Variants in PALD1 observed in about 807,000 individuals in gnomAD.
The protein encoded by PALD1 is paladin.
In PALD1, 57 loss-of-function variants were observed where a neutral mutation model predicts 96.0. The observed-to-expected ratio is 0.59, with a 90% CI of 0.48 to 0.74. The LOEUF (loss-of-function observed/expected upper bound fraction) is 0.74, where lower values mean the gene tolerates loss of function less well. Among genes scored for constraint, PALD1 ranks in the 30% least tolerant of loss-of-function variants. The pLI is 0.00. For missense variants in PALD1, 1,063 were observed against 1,143.7 expected, an observed-to-expected ratio of 0.93 and a Z score of 1.02; for synonymous variants, 464 against 473.6, an observed-to-expected ratio of 0.98 and a Z score of 0.26.
In PALD1 at chr10:70,531,198, C is replaced by T. The variant is rs543709288; in HGVS notation, c.469-92C>T. The T allele has an allele frequency of 1.8e-4, 188 of 1,065,698 alleles. 2 individuals carry two copies. The Middle Eastern group carries it at 2.1e-3, about 12-fold the overall frequency. 66.0% of individuals were successfully genotyped at this position (1,065,698 alleles called of 1,614,324 possible). On this transcript the variant is annotated intron_variant, in intron 4 of 19. Coordinates refer to ENST00000263563, the MANE Select transcript of PALD1 (RefSeq NM_014431.3). Reference sequence around the variant, plus strand: ...TGGTGTGGGGTGCAGGAGGAAGGAACAGCTTGGGCAGAGGCCCTGAGGTGG... The same window carrying T: ...TGGTGTGGGGTGCAGGAGGAAGGAATAGCTTGGGCAGAGGCCCTGAGGTGG...
intron 18 of PALD1, among the ~76,000 whole-genome samples, chr10:70,553,736 A>G (rs1847529777): frequency 6.6e-6 from 1 of 152,188 alleles, no homozygotes; most frequent in Non-Finnish European, 1.5e-5. Flanking sequence ...CCTCTCTGCC[A>G]TGCCACATGG....
At chr10:70,476,872 G>A (rs1382002636), upstream of PALD1, among the ~76,000 whole-genome samples, 1 of 144,766 alleles carries the variant, frequency 6.9e-6, no homozygotes, top group Non-Finnish European at 1.5e-5. Context: ...CAGGGAGGGT[G>A]AGGGGAAGCA....
intron 1 of PALD1, among the ~76,000 whole-genome samples, chr10:70,523,182 C>T (rs1846772934): frequency 6.6e-6 from 1 of 152,244 alleles, no homozygotes; most frequent in African/African-American, 2.4e-5. Context: ...CAGCTGTAGC[C>T]TGTCATTGCC....
chr10:70,556,299 T>TCTCC (rs1847609262), intron 18 of PALD1, among the ~76,000 whole-genome samples: 1 of 150,310 alleles, frequency 6.7e-6, no homozygotes, highest in African/African-American at 2.5e-5. Flanking sequence ...TCTCTCTCTC[T>TCTCC]CTCTCTCTGT....
intron 1 of PALD1, among the ~76,000 whole-genome samples, chr10:70,514,126 C>T (rs1846573788): frequency 6.6e-6 from 1 of 152,234 alleles, no homozygotes; most frequent in South Asian, 2.1e-4. Flanking sequence ...CTCTGCGGGC[C>T]GTCCGGTCAT....
chr10:70,506,363 G>A (rs1438978620), intron 1 of PALD1, among the ~76,000 whole-genome samples: 1 of 152,176 alleles, frequency 6.6e-6, no homozygotes, highest in Non-Finnish European at 1.5e-5. Flanking sequence ...GAAAGGCAGT[G>A]ACGTCTTAGT....
At chr10:70,514,752 C>T (rs1198178667) in intron 1 of PALD1, among the ~76,000 whole-genome samples, 7 of 152,130 alleles carry the variant, frequency 4.6e-5, no homozygotes, top group African/African-American at 1.2e-4. Context: ...GGGGAACACG[C>T]GCTGCAGTGG....
At chr10:70,497,872 C>G (rs376935867) in intron 1 of PALD1, among the ~76,000 whole-genome samples, 1 of 152,244 alleles carries the variant, frequency 6.6e-6, no homozygotes, top group South Asian at 2.1e-4. Flanking sequence ...ATGTGCCTGG[C>G]CTATTAAAAA....
chr10:70,519,643 C>T (rs1194091683), intron 1 of PALD1, among the ~76,000 whole-genome samples: 1 of 150,444 alleles, frequency 6.6e-6, no homozygotes, highest in Non-Finnish European at 1.5e-5. Context: ...GGCGCGATCT[C>T]AACTCACCGC....
At chr10:70,523,360 C>T (rs970977180) in intron 1 of PALD1, among the ~76,000 whole-genome samples, 1 of 152,186 alleles carries the variant, frequency 6.6e-6, no homozygotes, top group Non-Finnish European at 1.5e-5. Flanking sequence ...CTTCTGTGTC[C>T]TGCCCATCCT....
At chr10:70,553,583 C>T (rs531840235) in intron 18 of PALD1, among the ~76,000 whole-genome samples, 2 of 152,344 alleles carry the variant, frequency 1.3e-5, no homozygotes, top group African/African-American at 4.8e-5. Context: ...CCACCGTCCT[C>T]ACTTTGCCTG....
At chr10:70,525,352 G>A (rs1846834964) in intron 1 of PALD1, among the ~76,000 whole-genome samples, 1 of 152,170 alleles carries the variant, frequency 6.6e-6, no homozygotes. Flanking sequence ...TTTGGGGCCT[G>A]GTATTTTCTT....
In PALD1 at chr10:70,534,419, C is replaced by A; in HGVS notation, c.1023-6C>A. ...GCCTGCTAATGTACTGACCCTGCCT[C>A]GACAGGGCTGCCCCCACGCAGGCCA... is the stretch of plus-strand genomic sequence containing the variant. On this transcript the variant is annotated splice_polypyrimidine_tract_variant and splice_region_variant and intron_variant, in intron 8 of 19. Transcript: ENST00000263563. 2 of 1,599,584 alleles carry A rather than the reference C, an allele frequency of 1.3e-6. No individual in the cohort carries two copies. The highest frequency in any genetic ancestry group is 1.7e-6 in the Non-Finnish European group (2 of 1,171,204).
At position 70,538,348 on chromosome 10, in the gene PALD1, C is replaced by T. The variant is rs1046334302; in HGVS notation, c.1392C>T (p.Pro464=). ...LCAHPELYRL[P]VTLSSAGPVA... is the part of the protein sequence containing the mutation. ...CCCACCCTGAGCTGTACCGCCTGCC[C>T]GTGACGCTGAGCTCAGCAGGCCCTG... Residue 464 remains proline, a synonymous_variant, in exon 12 of 20, where the codon CCC becomes CCT. Coordinates refer to ENST00000263563, the MANE Select transcript of PALD1 (RefSeq NM_014431.3). 5.6e-6 allele frequency: 9 copies of T among 1,609,780 alleles called. No individual in the cohort carries two copies. The highest frequency in any genetic ancestry group is 5.1e-6 in the Non-Finnish European group (6 of 1,179,888).
At chr10:70,524,059 C>T (rs1846798678) in intron 1 of PALD1, among the ~76,000 whole-genome samples, 1 of 152,164 alleles carries the variant, frequency 6.6e-6, no homozygotes, top group Non-Finnish European at 1.5e-5. Flanking sequence ...GGTGATGCTG[C>T]TGCTTATGGG....
At chr10:70,468,609 C>T in the PALD1 span, among the ~76,000 whole-genome samples, 1 of 152,018 alleles carries the variant, frequency 6.6e-6, no homozygotes, top group South Asian at 2.1e-4. Flanking sequence ...CCCTTCCCTG[C>T]CTTTGCCCAC....
At chr10:70,554,930 C>CCT in intron 18 of PALD1, among the ~76,000 whole-genome samples, 1 of 12,370 alleles carries the variant, frequency 8.1e-5, no homozygotes, top group African/African-American at 2.9e-4. Context: ...CCCTCCCCCT[C>CCT]CTCCCCCTCC....
At chr10:70,487,544 A>C (rs536349401) in intron 1 of PALD1, among the ~76,000 whole-genome samples, 186 of 152,142 alleles carry the variant, frequency 1.2e-3, no homozygotes, top group African/African-American at 4.3e-3. Flanking sequence ...AACCATTTTA[A>C]AGCCCACAAT....
upstream of PALD1, among the ~76,000 whole-genome samples, chr10:70,475,423 A>T (rs10823549): frequency 6.6e-6 from 1 of 152,030 alleles, no homozygotes; most frequent in Non-Finnish European, 1.5e-5. Flanking sequence ...ATCACAGGCC[A>T]CAAGACTCCC....
Sources: allele counts gnomAD v4.1 joint callset (sites outside exome capture counted in the v4.1 genomes callset), GRCh38; gene constraint gnomAD v4.1.1; transcripts MANE v1.5; gene names NCBI Gene and HGNC (gene_info 2026-07-23, HGNC 2026-07-21).